The following RPS6KA2 variants were observed in gnomAD, a reference collection of about 807,000 sequenced individuals.
RPS6KA2 encodes ribosomal protein S6 kinase alpha-2.
A neutral mutation model predicts 91.8 loss-of-function variants in RPS6KA2; 42 were observed. The ratio of observed to expected loss-of-function variants is 0.46; its 90% CI spans 0.36 to 0.59. The LOEUF is 0.59. Ranked by LOEUF, RPS6KA2 falls within the 20% of genes least tolerant of loss-of-function variation. The pLI is 0.00. For synonymous variants in RPS6KA2, 414 were observed against 393.6 expected (o/e 1.05, Z -0.61); for missense variants, 798 against 978.5 (o/e 0.82, Z 2.46).
At chr6:166,688,070 G>C (rs763547889) in intron 2 of RPS6KA2, among the ~76,000 whole-genome samples, 5 of 152,108 alleles carry the variant, frequency 3.3e-5, no homozygotes, top group Non-Finnish European at 7.4e-5. Context: ...TATTCAAAAG[G>C]CAGGAGGAGG....
intron 2 of RPS6KA2, among the ~76,000 whole-genome samples, chr6:166,646,035 G>A (rs1705048430): frequency 6.6e-6 from 1 of 152,240 alleles, no homozygotes; most frequent in Non-Finnish European, 1.5e-5. Context: ...TAGAGTTGTA[G>A]TGGTGAGGTT....
chr6:166,854,780 T>C (rs1255947020), intron 2 of RPS6KA2, among the ~76,000 whole-genome samples: 2 of 152,184 alleles, frequency 1.3e-5, no homozygotes, highest in South Asian at 2.1e-4. Context: ...ACAAAAGACA[T>C]ATGAAAACTT....
At chr6:166,704,159 A>G (rs1789612161) in intron 2 of RPS6KA2, among the ~76,000 whole-genome samples, 1 of 152,250 alleles carries the variant, frequency 6.6e-6, no homozygotes, top group Non-Finnish European at 1.5e-5. Context: ...AATATCCTAA[A>G]TCACAGTGAT....
In RPS6KA2 at chr6:166,445,256, C is replaced by G. The variant is rs952399049; in HGVS notation, c.1332+3468G>C. Among the ~76,000 whole-genome samples the G allele has an allele frequency of 6.6e-6, 1 of 151,954 alleles. No homozygotes were observed. Among genetic ancestry groups the G allele is most frequent in the Non-Finnish European group, 1.5e-5 (1 of 67,986 alleles). On this transcript the variant is annotated intron_variant, in intron 14 of 20. Transcript: ENST00000265678. This position sits in a 1 kb window ranked among gnomAD's most constrained non-coding sequence, Gnocchi z 4.5. ...TGGGGGTGGGGGGCTGCCCGCAGCA[C>G]GTGGGGAACACTGAGCTGTTGGTCG...
At position 166,423,201 on chromosome 6, in the gene RPS6KA2, C is replaced by T; in HGVS notation, c.1743+55G>A. On this transcript the variant is annotated intron_variant, in intron 17 of 20. Transcript: ENST00000265678. This position sits in a 1 kb window ranked among gnomAD's most constrained non-coding sequence, Gnocchi z 4.8. ...CCGGTGGCTCTGCAGTGGGAGGGGG[C>T]AGAGCCTGTCTTTGCGGATAGAGAG... 6.4e-7 allele frequency: 1 copy of T among 1,550,504 alleles called. No homozygotes were observed. Among genetic ancestry groups the T allele is most frequent in the Non-Finnish European group, 8.8e-7 (1 of 1,140,772 alleles).
Position 166,621,951 on chromosome 6 carries a change from C to G in RPS6KA2, c.99+4970G>C, listed in dbSNP as rs143641004. Among the ~76,000 whole-genome samples, 195 of 152,328 alleles carry G rather than the reference C, an allele frequency of 1.3e-3. 1 individual carries two copies. Among genetic ancestry groups the G allele is most frequent in the African/African-American group, 4.4e-3 (184 of 41,578 alleles). ...TCTCCCACCCACTATTAAATTGCCA[C>G]TTCTGAGAAACTATTTGCCCCACAT... is the stretch of plus-strand genomic sequence containing the variant. On this transcript the variant is annotated intron_variant, in intron 1 of 20. Coordinates refer to ENST00000265678, the MANE Select transcript of RPS6KA2 (RefSeq NM_021135.6).
chr6:166,468,788 T>C (rs1258202679), intron 11 of RPS6KA2, among the ~76,000 whole-genome samples: 7 of 148,284 alleles, frequency 4.7e-5, no homozygotes, highest in Non-Finnish European at 1.0e-4. Flanking sequence ...GGCGTGAATC[T>C]GGCAGGTGGA....
chr6:166,756,297 A>G (rs1583083914), intron 2 of RPS6KA2, among the ~76,000 whole-genome samples: 1 of 152,178 alleles, frequency 6.6e-6, no homozygotes, highest in South Asian at 2.1e-4. Flanking sequence ...CTCAAAAAAA[A>G]ACCAAAAACA....
chr6:166,669,796 C>T (rs1271956372), intron 2 of RPS6KA2, among the ~76,000 whole-genome samples: 1 of 152,218 alleles, frequency 6.6e-6, no homozygotes, highest in Non-Finnish European at 1.5e-5. Flanking sequence ...CTGCCTCACC[C>T]CCTCCTCATT....
chr6:166,715,804 G>A (rs188091974), intron 2 of RPS6KA2, among the ~76,000 whole-genome samples: 78 of 152,250 alleles, frequency 5.1e-4, no homozygotes, highest in Admixed American at 1.8e-3. Flanking sequence ...TTGGGAGGCC[G>A]AGGCAGGCGG....
At chr6:166,440,757 C>T (rs551963184) in intron 14 of RPS6KA2, among the ~76,000 whole-genome samples, 23 of 152,280 alleles carry the variant, frequency 1.5e-4, no homozygotes, top group Non-Finnish European at 1.5e-4. Flanking sequence ...GAATGATGTC[C>T]TTTGTTTCCA....
chr6:166,807,092 A>C (rs1440752541), intron 2 of RPS6KA2, among the ~76,000 whole-genome samples: 1 of 152,240 alleles, frequency 6.6e-6, no homozygotes, highest in Non-Finnish European at 1.5e-5. Flanking sequence ...AATGAGAGAC[A>C]AAACGCTATA....
chr6:166,748,790 A>G (rs867852202), intron 2 of RPS6KA2, among the ~76,000 whole-genome samples: 1 of 72 alleles, frequency 0.014, no homozygotes, highest in Non-Finnish European at 0.016. Flanking sequence ...CCATTTCCTC[A>G]GGCCCCCATC....
rs568083778 is a variant in RPS6KA2, at chr6:166,449,275, C to G, written c.1207-426G>C. 3.3e-5 allele frequency among the ~76,000 whole-genome samples: 5 copies of G among 152,240 alleles called. No homozygotes were observed. In the East Asian group the frequency reaches 9.7e-4, roughly 29 times the overall value. ...GTGTCCAAGTCACAGCCTGCTCTGA[C>G]CTGCATGCAGCAGCCCCACCCACCC... On this transcript the variant is annotated intron_variant, in intron 13 of 20. Coordinates refer to ENST00000265678, the MANE Select transcript of RPS6KA2 (RefSeq NM_021135.6).
At chr6:166,438,304 G>C (rs774819411) in intron 14 of RPS6KA2, among the ~76,000 whole-genome samples, 1 of 152,212 alleles carries the variant, frequency 6.6e-6, no homozygotes, top group Non-Finnish European at 1.5e-5. Context: ...TACACACACA[G>C]TGTGAAGATG....
intron 2 of RPS6KA2, among the ~76,000 whole-genome samples, chr6:166,641,370 A>G (rs1364045149): frequency 6.6e-6 from 1 of 152,184 alleles, no homozygotes; most frequent in African/African-American, 2.4e-5. Context: ...AAAATGACCA[A>G]GCAGATTTGT....
At chr6:166,458,188 T>C (rs891360061) in intron 12 of RPS6KA2, among the ~76,000 whole-genome samples, 21 of 152,336 alleles carry the variant, frequency 1.4e-4, no homozygotes, top group Middle Eastern at 3.4e-3. Flanking sequence ...TCTGTGTCCC[T>C]ACCCAAATCT....
At chr6:166,843,277 G>A (rs1780531193) in intron 2 of RPS6KA2, among the ~76,000 whole-genome samples, 1 of 152,164 alleles carries the variant, frequency 6.6e-6, no homozygotes, top group African/African-American at 2.4e-5. Context: ...CCACCTGGGG[G>A]TCTTTCTCTA....
intron 1 of RPS6KA2, among the ~76,000 whole-genome samples, chr6:166,592,634 C>T (rs1425607235): frequency 6.6e-6 from 1 of 151,774 alleles, no homozygotes; most frequent in Non-Finnish European, 1.5e-5. Flanking sequence ...GGGACAGAAG[C>T]ACAGAAAGGG....
Sources: allele counts gnomAD v4.1 joint callset (sites outside exome capture counted in the v4.1 genomes callset), GRCh38; gene constraint gnomAD v4.1.1; non-coding constraint Gnocchi (gnomAD v3.1); transcripts MANE v1.5; gene names NCBI Gene and HGNC (gene_info 2026-07-23, HGNC 2026-07-21).